The following DNAJC11 variants were observed in gnomAD, a reference collection of about 807,000 sequenced individuals.
DNAJC11 encodes DnaJ heat shock protein family (Hsp40) member C11, also known as dnaJ homolog subfamily C member 11.
Under a neutral mutation model 78.6 loss-of-function variants are expected in DNAJC11, and 15 were observed. That is an observed-to-expected ratio of 0.19 (90% CI 0.13 to 0.29). The LOEUF (loss-of-function observed/expected upper bound fraction) is 0.29, where lower values mean the gene tolerates loss of function less well. Among genes scored for constraint, DNAJC11 ranks in the 10% least tolerant of loss-of-function variants. The pLI is 1.00. For missense variants in DNAJC11, 547 were observed against 709.6 expected, an observed-to-expected ratio of 0.77 and a Z score of 2.60; for synonymous variants, 292 against 272.1, an observed-to-expected ratio of 1.07 and a Z score of -0.72.
At position 6,635,355 on chromosome 1, in the gene DNAJC11, C is replaced by T. The variant is rs1020003744; in HGVS notation, c.*320G>A. 7 of 279,812 alleles carry T rather than the reference C, an allele frequency of 2.5e-5. No homozygotes were observed. The highest frequency in any genetic ancestry group is 4.7e-5 in the Admixed American group (1 of 21,502). 17.3% of individuals were successfully genotyped at this position (279,812 alleles called of 1,614,324 possible). On this transcript the variant is annotated 3_prime_UTR_variant, in exon 16 of 16. Transcript: ENST00000377577. ...CCAGACCCAGCCAAGAACTACAGGG[C>T]GGCGGGCTGCGGTCAGCACGTGTGC...
chr1:6,676,027 C>T (rs1200793633), intron 3 of DNAJC11, among the ~76,000 whole-genome samples: 1 of 152,146 alleles, frequency 6.6e-6, no homozygotes, highest in African/African-American at 2.4e-5. Context: ...ATAAATACAA[C>T]AGAATTCTAC....
Position 6,634,458 on chromosome 1 carries a change from C to T in DNAJC11, c.*1217G>A, listed in dbSNP as rs138994365. On this transcript the variant is annotated 3_prime_UTR_variant, in exon 16 of 16. Transcript: ENST00000377577. ...AGATACCAGTGCTGGGGAGGGAGGC[C>T]TGACTTCAGCAACAGCTGTGGGTGG... 542 of 1,301,570 alleles carry T rather than the reference C, an allele frequency of 4.2e-4. 7 individuals are homozygous for T. In the East Asian group the frequency reaches 0.024, roughly 58 times the overall value. 80.6% of individuals were successfully genotyped at this position (1,301,570 alleles called of 1,614,324 possible).
chr1:6,640,928 C>A (rs1010610529), intron 10 of DNAJC11, among the ~76,000 whole-genome samples: 1 of 152,102 alleles, frequency 6.6e-6, no homozygotes, highest in African/African-American at 2.4e-5. Flanking sequence ...GTTTAGGAAA[C>A]CCCAAGCATC....
intron 1 of DNAJC11, among the ~76,000 whole-genome samples, chr1:6,699,085 C>T (rs1385364747): frequency 2.0e-5 from 3 of 150,232 alleles, no homozygotes; most frequent in Non-Finnish European, 3.0e-5. Flanking sequence ...GTGGGAGGAT[C>T]GCTTGAGCTC....
At chr1:6,659,722 C>T (rs1642179731) in intron 4 of DNAJC11, among the ~76,000 whole-genome samples, 1 of 152,066 alleles carries the variant, frequency 6.6e-6, no homozygotes, top group East Asian at 1.9e-4. Context: ...GACAGTGCCA[C>T]TGCACTCCAG....
At chr1:6,684,555 C>G (rs1436387865) in intron 1 of DNAJC11, among the ~76,000 whole-genome samples, 1 of 152,262 alleles carries the variant, frequency 6.6e-6, no homozygotes, top group South Asian at 2.1e-4. Flanking sequence ...ATTCTTTAAT[C>G]TTATTAATAA....
intron 1 of DNAJC11, among the ~76,000 whole-genome samples, chr1:6,690,054 A>C (rs1383887530): frequency 6.6e-6 from 1 of 152,236 alleles, no homozygotes; most frequent in Non-Finnish European, 1.5e-5. Flanking sequence ...CGGAAAGATC[A>C]AGTGACTTAT....
intron 4 of DNAJC11, among the ~76,000 whole-genome samples, chr1:6,663,602 C>T (rs1370021368): frequency 6.6e-6 from 1 of 152,134 alleles, no homozygotes; most frequent in African/African-American, 2.4e-5. Context: ...CAGGAGGATG[C>T]CCAGGGTGGT....
chr1:6,697,992 G>A (rs1223107934), intron 1 of DNAJC11, among the ~76,000 whole-genome samples: 3 of 152,140 alleles, frequency 2.0e-5, no homozygotes, highest in Non-Finnish European at 2.9e-5. Flanking sequence ...GGGTTTCACC[G>A]TGTTAGTCAG....
chr1:6,694,268 C>A (rs896396297), intron 1 of DNAJC11, among the ~76,000 whole-genome samples: 1 of 152,070 alleles, frequency 6.6e-6, no homozygotes, highest in African/African-American at 2.4e-5. Flanking sequence ...TTCTATGGGG[C>A]AAGTTCAGCT....
chr1:6,672,612 C>T (rs568076996), intron 3 of DNAJC11, among the ~76,000 whole-genome samples: 15 of 152,320 alleles, frequency 9.8e-5, no homozygotes, highest in East Asian at 1.9e-4. Flanking sequence ...CTTTCTGGAG[C>T]GGTGAAGACA....
At chr1:6,697,486 A>G (rs1202684388) in intron 1 of DNAJC11, among the ~76,000 whole-genome samples, 1 of 152,210 alleles carries the variant, frequency 6.6e-6, no homozygotes, top group South Asian at 2.1e-4. Context: ...AGTTCCCAAT[A>G]GGGTTCATGC....
Position 6,637,507 on chromosome 1 carries a change from G to T in DNAJC11, c.1324-3C>A. On this transcript the variant is annotated splice_polypyrimidine_tract_variant and splice_region_variant and intron_variant, in intron 12 of 15. Transcript: ENST00000377577. Reference sequence around the variant, plus strand: ...ACAGATTCCTGCATCAGCCGGACCTGCCAGAGAACAAGGATGACACAGTCA... The same window carrying T: ...ACAGATTCCTGCATCAGCCGGACCTTCCAGAGAACAAGGATGACACAGTCA... 1 of 1,614,186 alleles carries T rather than the reference G, an allele frequency of 6.2e-7. No individual in the cohort carries two copies. The highest frequency in any genetic ancestry group is 2.2e-5 in the East Asian group (1 of 44,884).
chr1:6,695,110 C>T (rs926009802), intron 1 of DNAJC11, among the ~76,000 whole-genome samples: 5 of 149,930 alleles, frequency 3.3e-5, no homozygotes, highest in African/African-American at 7.4e-5. Context: ...TGTGCCACTG[C>T]GCTCCAGCCT....
chr1:6,669,448 T>G (rs1642342376), intron 3 of DNAJC11, among the ~76,000 whole-genome samples: 1 of 150,856 alleles, frequency 6.6e-6, no homozygotes, highest in South Asian at 2.1e-4. Flanking sequence ...CAGGCGGAGT[T>G]TGCAGTGAGC....
At position 6,636,238 on chromosome 1, in the gene DNAJC11, C is replaced by T; in HGVS notation, c.1533G>A (p.Leu511=). 2 of 1,614,026 alleles carry T rather than the reference C, an allele frequency of 1.2e-6. No individual in the cohort carries two copies. Among genetic ancestry groups the T allele is most frequent in the Non-Finnish European group, 1.7e-6 (2 of 1,179,996 alleles). ...LILTEASKAG[L]PGFYDPCVGE... The stretch of plus-strand genomic sequence containing the variant: ...CCACACACGGGTCATAAAAGCCAGG[C>T]AGCCCAGCCTGTAACAAACAAATTG... The change falls in exon 15 of 16, where the codon CTG becomes CTA. Residue 511 remains leucine (L), a synonymous_variant. Coordinates refer to ENST00000377577, the MANE Select transcript of DNAJC11 (RefSeq NM_018198.4).
At chr1:6,639,858 G>A (rs1191909016) in intron 11 of DNAJC11, 44 bp downstream of exon 11, 1 of 1,582,068 alleles carries the variant, frequency 6.3e-7, no homozygotes. Flanking sequence ...AGGAAACTGA[G>A]GCACAGGGCT....
At chr1:6,654,493 G>C (rs913769399) in intron 4 of DNAJC11, among the ~76,000 whole-genome samples, 2 of 151,978 alleles carry the variant, frequency 1.3e-5, no homozygotes, top group Non-Finnish European at 2.9e-5. Flanking sequence ...CAAAGATAAA[G>C]CAGCACAAAT....
chr1:6,634,325 G>A lies in DNAJC11; in HGVS notation c.*1350C>T, dbSNP rs891256885. 6.0e-5 allele frequency: 62 copies of A among 1,037,332 alleles called. No individual in the cohort carries two copies. Among genetic ancestry groups the A allele is most frequent in the East Asian group, 5.5e-5 (2 of 36,134 alleles). 64.3% of individuals were successfully genotyped at this position (1,037,332 alleles called of 1,614,324 possible). ...CACGACGCTCACCGCGGCTCGGGCCGTGGGGCCGTCAGAGAAACCTTTTTA... is the reference window on the plus strand; with the variant it reads ...CACGACGCTCACCGCGGCTCGGGCCATGGGGCCGTCAGAGAAACCTTTTTA... On this transcript the variant is annotated 3_prime_UTR_variant, in exon 16 of 16. Transcript: ENST00000377577.
Sources: allele counts gnomAD v4.1 joint callset (sites outside exome capture counted in the v4.1 genomes callset), GRCh38; gene constraint gnomAD v4.1.1; transcripts MANE v1.5; gene names NCBI Gene and HGNC (gene_info 2026-07-23, HGNC 2026-07-21).